The following EPHA7 variants were observed in gnomAD, a reference collection of about 807,000 sequenced individuals.
The protein encoded by EPHA7 is EPH receptor A7.
A neutral mutation model predicts 112.6 loss-of-function variants in EPHA7; 25 were observed. The ratio of observed to expected loss-of-function variants is 0.22; its 90% CI spans 0.16 to 0.31. The LOEUF is 0.31. EPHA7 is among the 10% of genes least tolerant of loss of function. The pLI, the probability that EPHA7 is intolerant of heterozygous loss-of-function variation, is 1.00. For missense variants in EPHA7, 962 were observed against 1,212.6 expected (o/e 0.79, Z 3.07); for synonymous variants, 437 against 406.5 (o/e 1.07, Z -0.90).
At chr6:93,247,913 T>C (rs1770030158) in intron 14 of EPHA7, among the ~76,000 whole-genome samples, 1 of 152,166 alleles carries the variant, frequency 6.6e-6, no homozygotes, top group Non-Finnish European at 1.5e-5. Context: ...CTTGGGTTTT[T>C]TATTTATATG....
At chr6:93,265,167 A>G (rs970162327) in intron 7 of EPHA7, among the ~76,000 whole-genome samples, 1 of 151,650 alleles carries the variant, frequency 6.6e-6, no homozygotes, top group Non-Finnish European at 1.5e-5. Flanking sequence ...CATATCATCA[A>G]TTAAAATGGA....
intron 11 of EPHA7, 136 bp from the exon 12 acceptor site, chr6:93,257,659 G>C: frequency 1.7e-6 from 1 of 603,106 alleles, no homozygotes; most frequent in Non-Finnish European, 2.8e-6. Flanking sequence ...TTTTATTGTT[G>C]CTGCTAAGCT....
chr6:93,270,484 A>G (rs1771159660), intron 6 of EPHA7, among the ~76,000 whole-genome samples: 2 of 151,594 alleles, frequency 1.3e-5, no homozygotes, highest in South Asian at 4.1e-4. Flanking sequence ...AAAAATTTAA[A>G]TCTTCCTTGA....
chr6:93,283,792 A>G (rs1278796857), intron 5 of EPHA7, among the ~76,000 whole-genome samples: 1 of 152,222 alleles, frequency 6.6e-6, no homozygotes, highest in Non-Finnish European at 1.5e-5. Flanking sequence ...TGAGACCAAG[A>G]ACCCCCCAAT....
rs1218562855 is a variant in EPHA7, at chr6:93,396,378, A to AT, written c.832+14122dup. On this transcript the variant is annotated intron_variant, in intron 3 of 16. Transcript: ENST00000369303. ...AAAATTCTACATAATTTTCAGAAATATATTTTGCTTTTTACTAGTGGCTGA... is the reference window on the plus strand; with the variant it reads ...AAAATTCTACATAATTTTCAGAAATATTATTTTGCTTTTTACTAGTGGCTGA... Among the ~76,000 whole-genome samples the AT allele has an allele frequency of 3.3e-5, 5 of 151,998 alleles. No individual in the cohort carries two copies. The East Asian group carries it at 7.8e-4, about 24-fold the overall frequency.
At chr6:93,360,547 A>C (rs1213041150) in intron 3 of EPHA7, among the ~76,000 whole-genome samples, 1 of 152,114 alleles carries the variant, frequency 6.6e-6, no homozygotes, top group East Asian at 1.9e-4. Context: ...AACATTTCCA[A>C]AATGATGTTT....
chr6:93,329,218 C>A (rs754943822), intron 5 of EPHA7, among the ~76,000 whole-genome samples: 1 of 151,130 alleles, frequency 6.6e-6, no homozygotes, highest in Non-Finnish European at 1.5e-5. Flanking sequence ...GTAATACACA[C>A]CAAAGATAAA....
intron 5 of EPHA7, among the ~76,000 whole-genome samples, chr6:93,310,306 A>G (rs942830976): frequency 2.6e-5 from 4 of 152,160 alleles, no homozygotes; most frequent in African/African-American, 9.7e-5. Flanking sequence ...GCAATGGAAA[A>G]ATCCCCCAAT....
intron 5 of EPHA7, among the ~76,000 whole-genome samples, chr6:93,307,097 C>G (rs143733615): frequency 6.6e-6 from 1 of 151,896 alleles, no homozygotes; most frequent in African/African-American, 2.4e-5. Context: ...TAAATTCAGT[C>G]TATAAATTAT....
chr6:93,415,511 A>T (rs1330775654), intron 1 of EPHA7, among the ~76,000 whole-genome samples: 1 of 152,088 alleles, frequency 6.6e-6, no homozygotes, highest in Non-Finnish European at 1.5e-5. Context: ...ATGTATATAA[A>T]GTGTTATAAA....
chr6:93,371,108 G>C (rs1465768440), intron 3 of EPHA7, among the ~76,000 whole-genome samples: 2 of 151,286 alleles, frequency 1.3e-5, no homozygotes, highest in African/African-American at 4.9e-5. Flanking sequence ...AGCTTGCAGT[G>C]AGCCCAGATC....
Position 93,248,698 on chromosome 6 carries a change from A to AACAAACAG in EPHA7, c.2533-1714_2533-1713insCTGTTTGT, listed in dbSNP as rs71009126. On this transcript the variant is annotated intron_variant, in intron 14 of 16. Transcript: ENST00000369303. ...AAACAAACAAACAAACAAACAAACA[A>AACAAACAG]CAACAACAAAAAACGGAGTCTTGCT... is the stretch of plus-strand genomic sequence containing the variant. Among the ~76,000 whole-genome samples, 19 of 148,770 alleles carry AACAAACAG rather than the reference A, an allele frequency of 1.3e-4. No homozygotes were observed. The East Asian group carries it at 3.9e-3, about 30-fold the overall frequency.
At chr6:93,356,152 T>C (rs1775932216) in intron 5 of EPHA7, among the ~76,000 whole-genome samples, 1 of 152,120 alleles carries the variant, frequency 6.6e-6, no homozygotes, top group South Asian at 2.1e-4. Context: ...CTCCTCTAGA[T>C]CTTTCAGTGG....
In EPHA7 at chr6:93,411,039, A is replaced by C; in HGVS notation, c.294T>G (p.Ile98Met). The C allele has an allele frequency of 6.2e-7, 1 of 1,614,040 alleles. No homozygotes were observed. The highest frequency in any genetic ancestry group is 8.5e-7 in the Non-Finnish European group (1 of 1,179,966). ...TCAGGGTGAATTTCAATTCTACAAA[A>C]ATCCTTTGTGCATTGCCTTTGGAAA... The part of the protein sequence containing the change: ...NWISKGNAQR[I>M]FVELKFTLRD... The change falls in exon 3 of 17, where the codon ATT becomes ATG. Residue 98 changes from isoleucine (I) to methionine (M), a missense_variant. This residue lies in a region of EPHA7 where 160 missense variants were observed against 263.6 expected (regional missense o/e 0.61). Coordinates refer to ENST00000369303, the MANE Select transcript of EPHA7 (RefSeq NM_004440.4).
chr6:93,396,865 A>G (rs974646248), intron 3 of EPHA7, among the ~76,000 whole-genome samples: 16 of 151,826 alleles, frequency 1.1e-4, no homozygotes, highest in Non-Finnish European at 1.2e-4. Flanking sequence ...AAAAATGAAG[A>G]ATTACTAATT....
chr6:93,350,807 A>T (rs1045814493), intron 5 of EPHA7, among the ~76,000 whole-genome samples: 5 of 152,036 alleles, frequency 3.3e-5, no homozygotes, highest in Admixed American at 3.3e-4. Context: ...GATACACAAA[A>T]GTTTAAGTTA....
At chr6:93,323,674 T>C (rs911062033) in intron 5 of EPHA7, among the ~76,000 whole-genome samples, 2 of 151,340 alleles carry the variant, frequency 1.3e-5, no homozygotes, top group African/African-American at 4.8e-5. Flanking sequence ...TTCTACAAGG[T>C]TAGGAAATCA....
chr6:93,319,278 T>C (rs1047519060), intron 5 of EPHA7, among the ~76,000 whole-genome samples: 2 of 152,072 alleles, frequency 1.3e-5, no homozygotes, highest in Admixed American at 6.6e-5. Flanking sequence ...GTTTGCACAC[T>C]GTCATTGAGC....
At chr6:93,279,744 A>C (rs1771641217) in intron 5 of EPHA7, among the ~76,000 whole-genome samples, 1 of 152,206 alleles carries the variant, frequency 6.6e-6, no homozygotes, top group South Asian at 2.1e-4. Context: ...TACATCAGTA[A>C]GCACTTTTTT....
Sources: gnomAD v4.1 joint callset for allele counts (sites outside exome capture counted in the v4.1 genomes callset) on GRCh38, gnomAD v4.1.1 for gene constraint, gnomAD v4.1.1 regional missense constraint, MANE v1.5 for transcripts, NCBI Gene and HGNC (gene_info 2026-07-23, HGNC 2026-07-21) for gene names.